RP1: variants seen among roughly 807,000 people sequenced by gnomAD.
The protein encoded by RP1 is oxygen-regulated protein 1.
RP1 carries 16 observed loss-of-function variants against 14.8 expected under a neutral mutation model. The ratio of observed to expected loss-of-function variants is 1.08; its 90% CI spans 0.73 to 1.65. The LOEUF (loss-of-function observed/expected upper bound fraction) is 1.65. RP1 is among the 40% of genes most tolerant of loss of function. The pLI, the probability that RP1 is intolerant of heterozygous loss-of-function variation, is 0.00. For synonymous variants in RP1, 876 were observed against 883.6 expected, an observed-to-expected ratio of 0.99 and a Z score of 0.15; for missense variants, 2,631 against 2,535.0, an observed-to-expected ratio of 1.04 and a Z score of -0.81.
intron 1 of RP1, among the ~76,000 whole-genome samples, chr8:54,584,414 C>T (rs565251102): frequency 6.6e-6 from 1 of 152,288 alleles, no homozygotes; most frequent in South Asian, 2.1e-4. Context: ...GAGTGCTTTA[C>T]TTCCAACTAT....
chr8:54,661,109 C>T (rs1393766379), intron 6 of RP1, among the ~76,000 whole-genome samples: 1 of 150,204 alleles, frequency 6.7e-6, no homozygotes, highest in Non-Finnish European at 1.5e-5. Context: ...AGTTCAAGAC[C>T]AGCCTGGGCA....
chr8:54,652,288 T>G (rs971619909), intron 4 of RP1, among the ~76,000 whole-genome samples: 14 of 152,214 alleles, frequency 9.2e-5, no homozygotes, highest in South Asian at 2.1e-4. Flanking sequence ...ACTTTTCAGT[T>G]TGCCTTATAA....
At chr8:54,801,318 T>C (rs1810700659) in intron 24 of RP1, among the ~76,000 whole-genome samples, 1 of 152,226 alleles carries the variant, frequency 6.6e-6, no homozygotes, top group Admixed American at 6.5e-5. Context: ...CGTTCTCAGA[T>C]GTTCTGATTA....
In RP1 at chr8:54,628,884, A is replaced by G. The variant is rs375004458; in HGVS notation, c.5002A>G (p.Arg1668Gly). ...PYNSVEFQCS[R>G]KASLYDSEGQ... is the part of the protein sequence containing the mutation. ...TAATTCTGTGGAATTTCAGTGTTCC[A>G]GGAAAGCAAGTCTTTATGATTCTGA... Residue 1668 changes from arginine to glycine, a missense_variant, in exon 4 of 4, where the codon AGG becomes GGG. By Grantham distance (125) the Arg-to-Gly change is moderately radical. Transcript: ENST00000220676. 59 of 1,613,994 alleles carry G rather than the reference A, an allele frequency of 3.7e-5. No homozygotes were observed. Among genetic ancestry groups the G allele is most frequent in the Non-Finnish European group, 4.3e-5 (51 of 1,179,974 alleles).
chr8:54,856,488 A>T (rs902388589), intron 26 of RP1, among the ~76,000 whole-genome samples: 1 of 152,240 alleles, frequency 6.6e-6, no homozygotes, highest in Non-Finnish European at 1.5e-5. Flanking sequence ...TTTAAAAGTA[A>T]AAGATATTAA....
intron 1 of RP1, among the ~76,000 whole-genome samples, chr8:54,595,412 A>G (rs1004283315): frequency 6.6e-6 from 1 of 152,192 alleles, no homozygotes; most frequent in Non-Finnish European, 1.5e-5. Context: ...TACGGGTGTG[A>G]GACACCACGC....
intron 6 of RP1, among the ~76,000 whole-genome samples, chr8:54,661,223 AATG>A (rs1470895328): frequency 6.8e-6 from 1 of 147,332 alleles, no homozygotes; most frequent in Non-Finnish European, 1.5e-5. Context: ...ATATATACAT[AATG>A]ATATATATAA....
intron 12 of RP1, among the ~76,000 whole-genome samples, chr8:54,692,150 C>T (rs909580776): frequency 3.4e-4 from 52 of 151,644 alleles, no homozygotes; most frequent in Non-Finnish European, 6.6e-4. Flanking sequence ...ATGAACTCAT[C>T]GTTTTTTATG....
chr8:54,581,365 A>C (rs1585524461), intron 1 of RP1, among the ~76,000 whole-genome samples: 1 of 152,176 alleles, frequency 6.6e-6, no homozygotes, highest in African/African-American at 2.4e-5. Flanking sequence ...ATAGTATTCC[A>C]TGGTGTATAT....
chr8:54,683,148 A>G (rs953195301), intron 12 of RP1, among the ~76,000 whole-genome samples: 1 of 151,970 alleles, frequency 6.6e-6, no homozygotes, highest in Non-Finnish European at 1.5e-5. Flanking sequence ...GTTCTGTTCC[A>G]TTGGTCTATA....
intron 1 of RP1, among the ~76,000 whole-genome samples, chr8:54,584,818 G>T (rs933110530): frequency 6.6e-6 from 1 of 152,110 alleles, no homozygotes; most frequent in African/African-American, 2.4e-5. Flanking sequence ...GACTAAGATT[G>T]CAACCCCTGC....
exon 8 of RP1, chr8:54,673,918 A>G: frequency 1.3e-6 from 2 of 1,535,724 alleles, no homozygotes. Context: ...GCCATGATGG[A>G]CTTGGCCCAG....
chr8:54,760,901 G>C (rs1050425853), intron 22 of RP1, among the ~76,000 whole-genome samples: 1 of 152,082 alleles, frequency 6.6e-6, no homozygotes, highest in Non-Finnish European at 1.5e-5. Flanking sequence ...TGTGTACTCA[G>C]AACTTAGCAC....
chr8:54,837,309 G>T, intron 24 of RP1: 1 of 398,134 alleles, frequency 2.5e-6, no homozygotes, highest in Non-Finnish European at 4.4e-6. Context: ...GCATTTCATG[G>T]TGTTAGAAGT....
Position 54,626,639 on chromosome 8 carries a change from G to C in RP1, c.2757G>C (p.Trp919Cys), listed in dbSNP as rs746396730. The C allele has an allele frequency of 1.5e-5, 24 of 1,613,654 alleles. No individual in the cohort carries two copies. The African/African-American group carries it at 3.1e-4, about 21-fold the overall frequency. Residue 919 changes from tryptophan (W) to cysteine (C), a missense_variant, in exon 4 of 4, where the codon TGG (tryptophan) becomes TGC (cysteine). Coordinates refer to ENST00000220676, the MANE Select transcript of RP1 (RefSeq NM_006269.2). ...HHSIQNYIQS[W>C]LQNINPYPTL... ...CAATTCAAAATTATATACAGAGTTG[G>C]TTGCAGAACATAAATCCATATCCAA...
chr8:54,721,285 T>C (rs1808531170), intron 16 of RP1, among the ~76,000 whole-genome samples: 1 of 152,254 alleles, frequency 6.6e-6, no homozygotes, highest in African/African-American at 2.4e-5. Flanking sequence ...TTCATTTTCC[T>C]ACAGGCTGTC....
At chr8:54,800,638 G>C (rs998728087) in intron 24 of RP1, among the ~76,000 whole-genome samples, 1 of 152,044 alleles carries the variant, frequency 6.6e-6, no homozygotes, top group Non-Finnish European at 1.5e-5. Context: ...CTGTCAATGA[G>C]GCTGTCAAAG....
At chr8:54,674,340 G>T (rs1443993022) in intron 8 of RP1, among the ~76,000 whole-genome samples, 1 of 152,042 alleles carries the variant, frequency 6.6e-6, no homozygotes. Context: ...TGGCAGTGAG[G>T]TCTGAGCTGT....
At chr8:54,602,721 T>C (rs1478322104) in intron 1 of RP1, among the ~76,000 whole-genome samples, 1 of 152,232 alleles carries the variant, frequency 6.6e-6, no homozygotes, top group African/African-American at 2.4e-5. Flanking sequence ...TTTTTAATGA[T>C]TGCCATTCTA....
Sources: allele counts gnomAD v4.1 joint callset (sites outside exome capture counted in the v4.1 genomes callset), GRCh38; gene constraint gnomAD v4.1.1; transcripts MANE v1.5; gene names NCBI Gene and HGNC (gene_info 2026-07-23, HGNC 2026-07-21).